PITPNM2: variants seen among roughly 807,000 people sequenced by gnomAD.
The protein encoded by PITPNM2 is phosphatidylinositol transfer protein membrane associated 2.
Under a neutral mutation model 132.2 loss-of-function variants are expected in PITPNM2, and 35 were observed. The observed-to-expected ratio is 0.26, with a 90% CI of 0.20 to 0.35. The LOEUF is 0.35. PITPNM2 is among the 10% of genes least tolerant of loss of function. The pLI, the probability that PITPNM2 is intolerant of heterozygous loss-of-function variation, is 1.00. For missense variants in PITPNM2, 1,332 were observed against 1,912.0 expected, an observed-to-expected ratio of 0.70 and a Z score of 5.66; for synonymous variants, 738 against 799.2, an observed-to-expected ratio of 0.92 and a Z score of 1.29.
rs77870315 is a variant in PITPNM2 at position 123,024,163 on chromosome 12, C to T, written c.79-10121G>A. On this transcript the variant is annotated intron_variant, in intron 3 of 25. Coordinates refer to ENST00000320201, the MANE Select transcript of PITPNM2 (RefSeq NM_020845.3). ...ACAAAAAGATTATACAAATGGTCAA[C>T]GAGCAAATGAAAAGATGCTCAACAT... 7.7e-3 allele frequency among the ~76,000 whole-genome samples: 1,172 copies of T among 152,240 alleles called. 7 individuals are homozygous for T. Among genetic ancestry groups the T allele is most frequent in the Admixed American group, 0.01 (160 of 15,282 alleles).
In PITPNM2 at chr12:123,036,316, G is replaced by T. The variant is rs1430674636; in HGVS notation, c.-95-1631C>A. ...AGGGAGAAAGACAGAGAGAGGAAAG[G>T]TCTGATAAAGGGGCTCCATCCCTTG... On this transcript the variant is annotated intron_variant, in intron 2 of 25. Transcript: ENST00000320201. The surrounding 1 kb of genome is among the most constrained non-coding windows in gnomAD (Gnocchi z 4.1). 1.3e-5 allele frequency among the ~76,000 whole-genome samples: 2 copies of T among 152,216 alleles called. No individual in the cohort carries two copies.
chr12:123,112,078 C>T (rs2042849515), intron 1 of PITPNM2, among the ~76,000 whole-genome samples: 1 of 152,136 alleles, frequency 6.6e-6, no homozygotes, highest in South Asian at 2.1e-4. Flanking sequence ...TCCACAGGGG[C>T]TATGAGAAAA....
At chr12:122,995,712 T>TTC in intron 13 of PITPNM2, 52 bp from the exon 14 acceptor site, 1 of 1,513,076 alleles carries the variant, frequency 6.6e-7, no homozygotes, top group Non-Finnish European at 8.8e-7. Context: ...GCCTGACCCC[T>TTC]TCTCCAGTGT....
intron 1 of PITPNM2, among the ~76,000 whole-genome samples, chr12:123,147,507 C>G (rs2043642255): frequency 6.6e-6 from 1 of 152,006 alleles, no homozygotes; most frequent in African/African-American, 2.4e-5. Flanking sequence ...ATACAGTTTT[C>G]CAGAAGCCTT....
intron 1 of PITPNM2, among the ~76,000 whole-genome samples, chr12:123,128,511 T>A (rs1441228931): frequency 6.7e-6 from 1 of 148,910 alleles, no homozygotes; most frequent in African/African-American, 2.5e-5. Flanking sequence ...CTCAGCACTT[T>A]GGGAGGCTGA....
At chr12:122,988,970 T>TC (rs2038063410) in intron 18 of PITPNM2, 98 bp from the exon 19 acceptor site, 2 of 1,295,634 alleles carry the variant, frequency 1.5e-6, no homozygotes, top group Non-Finnish European at 2.0e-6. Flanking sequence ...CCCAGCACAG[T>TC]CCCCCCACCA....
chr12:123,110,306 C>G (rs939139691), intron 2 of PITPNM2, 79 bp downstream of exon 2: 2 of 152,272 alleles, frequency 1.3e-5, no homozygotes, highest in Admixed American at 1.3e-4. Context: ...TCCGTACCCT[C>G]AAACTCCAAA....
chr12:123,097,807 G>T lies in PITPNM2; in HGVS notation c.-96+12578C>A, dbSNP rs2042450339. Among the ~76,000 whole-genome samples, 1 of 152,234 alleles carries T rather than the reference G, an allele frequency of 6.6e-6. No homozygotes were observed. The highest frequency in any genetic ancestry group is 1.5e-5 in the Non-Finnish European group (1 of 68,042). On this transcript the variant is annotated intron_variant, in intron 2 of 25. Coordinates refer to ENST00000320201, the MANE Select transcript of PITPNM2 (RefSeq NM_020845.3). The surrounding 1 kb of genome is among the most constrained non-coding windows in gnomAD (Gnocchi z 4.7). Reference sequence around the variant, plus strand: ...TGACGGGCAGGTCCCCAGCTCCTGGGCTGACCTCGCCCCTACATCTGCCAC... The same window carrying T: ...TGACGGGCAGGTCCCCAGCTCCTGGTCTGACCTCGCCCCTACATCTGCCAC...
At chr12:123,126,091 A>G (rs1262997865) in intron 1 of PITPNM2, among the ~76,000 whole-genome samples, 2 of 151,574 alleles carry the variant, frequency 1.3e-5, no homozygotes, top group Non-Finnish European at 2.9e-5. Flanking sequence ...GGATGGTCTC[A>G]ATCTTCTGAC....
intron 8 of PITPNM2, among the ~76,000 whole-genome samples, chr12:123,003,692 T>C (rs1271824988): frequency 6.6e-6 from 1 of 152,250 alleles, no homozygotes; most frequent in Non-Finnish European, 1.5e-5. Flanking sequence ...TGAGTGCCTA[T>C]GGGCTCGCCC....
At chr12:123,027,564 T>C (rs1275251902) in intron 3 of PITPNM2, among the ~76,000 whole-genome samples, 2 of 152,084 alleles carry the variant, frequency 1.3e-5, no homozygotes, top group Admixed American at 6.6e-5. Flanking sequence ...TGGGGATGAA[T>C]GGGGATGAGT....
chr12:123,045,278 T>C (rs2040616396), intron 2 of PITPNM2, among the ~76,000 whole-genome samples: 2 of 152,192 alleles, frequency 1.3e-5, no homozygotes, highest in South Asian at 4.1e-4. Context: ...TTGATCCCCT[T>C]TATAGCAAAT....
In PITPNM2 at chr12:123,130,239, G is replaced by A. The variant is rs1050829780; in HGVS notation, c.-199-19751C>T. ...GATGGCACAGAGCATTTGGGGACAG[G>A]CTGGAAATGAGGGCCTATGGATTTC... On this transcript the variant is annotated intron_variant, in intron 1 of 25. Coordinates refer to ENST00000320201, the MANE Select transcript of PITPNM2 (RefSeq NM_020845.3). Among the ~76,000 whole-genome samples, 3 of 152,150 alleles carry A rather than the reference G, an allele frequency of 2.0e-5. 1 individual carries two copies. Among genetic ancestry groups the A allele is most frequent in the Non-Finnish European group, 1.5e-5 (1 of 68,032 alleles).
chr12:123,035,369 A>AT (rs548110647), intron 2 of PITPNM2, among the ~76,000 whole-genome samples: 18 of 151,352 alleles, frequency 1.2e-4, no homozygotes, highest in South Asian at 6.3e-4. Flanking sequence ...AAGCAATCAC[A>AT]TTTTTTTTTA....
In PITPNM2 at chr12:122,992,373, G is replaced by T; in HGVS notation, c.2404+126C>A. On this transcript the variant is annotated intron_variant, in intron 16 of 25. Coordinates refer to ENST00000320201, the MANE Select transcript of PITPNM2 (RefSeq NM_020845.3). This position sits in a 1 kb window ranked among gnomAD's most constrained non-coding sequence, Gnocchi z 6.5. ...ACCCCCAACAGCTGTCCACCTCCAA[G>T]AGGCATTCAGCACAAGCTGTCCCTC... 1.0e-6 allele frequency: 1 copy of T among 993,656 alleles called. No individual in the cohort carries two copies. Among genetic ancestry groups the T allele is most frequent in the Non-Finnish European group, 1.4e-6 (1 of 707,260 alleles). 61.6% of individuals were successfully genotyped at this position (993,656 alleles called of 1,614,324 possible).
Position 122,987,551 on chromosome 12 carries a change from G to A in PITPNM2, c.3223C>T (p.Arg1075Cys), listed in dbSNP as rs1465149714. Residue 1075 changes from arginine (R) to cysteine (C), a missense_variant, in exon 22 of 26, where the codon CGC (arginine) becomes TGC (cysteine). Transcript: ENST00000320201. ...RVSYTIPESH[R>C]LGVGVYPIKM... is the part of the protein sequence containing the mutation. ...ATAGGGTAGACACCCACGCCCAGGC[G>A]GTGCGACTCAGGGATGGTGTAGGAG... 1.2e-6 allele frequency: 2 copies of A among 1,613,722 alleles called. No individual in the cohort carries two copies. The highest frequency in any genetic ancestry group is 1.3e-5 in the African/African-American group (1 of 74,922).
rs1286744933 is a variant in PITPNM2 at position 123,106,409 on chromosome 12, T to TC, written c.-96+3975_-96+3976insG. Among the ~76,000 whole-genome samples the TC allele has an allele frequency of 9.0e-4, 133 of 147,392 alleles. No homozygotes were observed. The highest frequency in any genetic ancestry group is 3.5e-3 in the African/African-American group (130 of 37,560). On this transcript the variant is annotated intron_variant, in intron 2 of 25. Coordinates refer to ENST00000320201, the MANE Select transcript of PITPNM2 (RefSeq NM_020845.3). This position sits in a 1 kb window ranked among gnomAD's most constrained non-coding sequence, Gnocchi z 4.4. ...TCTCTAAAATAAGTAAATAATTCCTTTAAAAAAAAAAACAGGAAGAAAAGA... is the reference window on the plus strand; with the variant it reads ...TCTCTAAAATAAGTAAATAATTCCTTCTAAAAAAAAAAACAGGAAGAAAAGA...
chr12:123,134,538 C>T (rs1347818811), intron 1 of PITPNM2, among the ~76,000 whole-genome samples: 1 of 152,192 alleles, frequency 6.6e-6, no homozygotes, highest in Non-Finnish European at 1.5e-5. Flanking sequence ...CACACAAATG[C>T]CTCCTTCAAA....
At chr12:122,988,041 A>G in intron 20 of PITPNM2, 140 bp from the exon 21 acceptor site, 1 of 936,888 alleles carries the variant, frequency 1.1e-6, no homozygotes, top group Non-Finnish European at 1.7e-6. Context: ...ATCAGACACG[A>G]TGACGTGGCT....
Sources: gnomAD v4.1 joint callset for allele counts (sites outside exome capture counted in the v4.1 genomes callset) on GRCh38, gnomAD v4.1.1 for gene constraint, Gnocchi (gnomAD v3.1) non-coding constraint, MANE v1.5 for transcripts, NCBI Gene and HGNC (gene_info 2026-07-23, HGNC 2026-07-21) for gene names.